HCN1: variants seen among roughly 807,000 people sequenced by gnomAD.
The protein encoded by HCN1 is potassium/sodium hyperpolarization-activated cyclic nucleotide-gated channel 1.
Under a neutral mutation model 78.9 loss-of-function variants are expected in HCN1, and 13 were observed. The observed-to-expected ratio is 0.16, with a 90% confidence interval of 0.11 to 0.26. The LOEUF (loss-of-function observed/expected upper bound fraction) is 0.26, where lower values mean the gene tolerates loss of function less well. Among genes scored for constraint, HCN1 ranks in the 10% least tolerant of loss-of-function variants. HCN1 has a pLI of 1.00. For synonymous variants in HCN1, 552 were observed against 455.5 expected, an observed-to-expected ratio of 1.21 and a Z score of -2.70; for missense variants, 810 against 1,154.3, an observed-to-expected ratio of 0.70 and a Z score of 4.32.
chr5:45,506,625 T>A (rs1271159032), intron 2 of HCN1, among the ~76,000 whole-genome samples: 1 of 152,190 alleles, frequency 6.6e-6, no homozygotes, highest in Admixed American at 6.5e-5. Flanking sequence ...AAATTACCAC[T>A]CGGATGTATT....
chr5:45,320,054 ATAGAG>A (rs1746091786), intron 5 of HCN1, among the ~76,000 whole-genome samples: 1 of 151,886 alleles, frequency 6.6e-6, no homozygotes, highest in African/African-American at 2.4e-5. Flanking sequence ...CAAATGAATC[ATAGAG>A]TAATCTTAAC....
chr5:45,262,407 G>C lies in HCN1; in HGVS notation c.2187C>G (p.Leu729=). The C allele has an allele frequency of 6.2e-7, 1 of 1,611,678 alleles. No homozygotes were observed. The highest frequency in any genetic ancestry group is 8.5e-7 in the Non-Finnish European group (1 of 1,179,702). ...YASPTASQLS[L]MQQQPQQQVQ... is the part of the protein sequence containing the mutation. Reference sequence around the variant, plus strand: ...CCTGCTGCTGCGGCTGCTGTTGCATGAGTGACAGCTGGGAGGCGGTGGGGG... The same window carrying C: ...CCTGCTGCTGCGGCTGCTGTTGCATCAGTGACAGCTGGGAGGCGGTGGGGG... Residue 729 remains leucine (L), a synonymous_variant, in exon 8 of 8, where the codon CTC becomes CTG. Coordinates refer to ENST00000303230, the MANE Select transcript of HCN1 (RefSeq NM_021072.4).
intron 3 of HCN1, among the ~76,000 whole-genome samples, chr5:45,447,067 G>C (rs191274638): frequency 6.6e-6 from 1 of 152,092 alleles, no homozygotes; most frequent in African/African-American, 2.4e-5. Flanking sequence ...TGGACTTAAC[G>C]CTCCAATTAA....
At chr5:45,352,622 A>G (rs1186315878) in intron 5 of HCN1, among the ~76,000 whole-genome samples, 1 of 152,022 alleles carries the variant, frequency 6.6e-6, no homozygotes, top group Non-Finnish European at 1.5e-5. Context: ...GCAGATTTCT[A>G]GGGAGGAACA....
At chr5:45,505,133 T>C (rs1298428079) in intron 2 of HCN1, among the ~76,000 whole-genome samples, 4 of 152,218 alleles carry the variant, frequency 2.6e-5, no homozygotes, top group Non-Finnish European at 5.9e-5. Flanking sequence ...ATTTTGGCTT[T>C]TGTTGCCATT....
chr5:45,460,272 G>A (rs150726539), intron 3 of HCN1, among the ~76,000 whole-genome samples: 4 of 152,138 alleles, frequency 2.6e-5, no homozygotes, highest in Admixed American at 1.3e-4. Flanking sequence ...TGTTCCTGCC[G>A]CCTTTCCACC....
intron 6 of HCN1, among the ~76,000 whole-genome samples, chr5:45,301,124 T>C (rs1442778816): frequency 6.6e-6 from 1 of 151,990 alleles, no homozygotes; most frequent in Non-Finnish European, 1.5e-5. Context: ...TATTTCCTAA[T>C]AAATATATCT....
chr5:45,395,281 T>C (rs1296522092), intron 4 of HCN1, among the ~76,000 whole-genome samples: 1 of 152,138 alleles, frequency 6.6e-6, no homozygotes, highest in African/African-American at 2.4e-5. Context: ...TCCATAAAAT[T>C]AGCCCAAATT....
intron 3 of HCN1, among the ~76,000 whole-genome samples, chr5:45,443,037 T>C (rs1312800924): frequency 1.3e-5 from 2 of 152,068 alleles, no homozygotes; most frequent in East Asian, 3.9e-4. Flanking sequence ...TTTCTTGTTA[T>C]GCTTGACACA....
chr5:45,414,882 C>T (rs535825640), intron 3 of HCN1, among the ~76,000 whole-genome samples: 1 of 152,104 alleles, frequency 6.6e-6, no homozygotes, highest in South Asian at 2.1e-4. Context: ...TGTAAAATGA[C>T]TTGGCATCCT....
rs1028530607 is a variant in HCN1, at chr5:45,364,748, A to T, written c.1231-11502T>A. ...TCCCTAATGCTTGTCTTAAATGTTA[A>T]TGTAAATTAAAATAATATGAGAATT... On this transcript the variant is annotated intron_variant, in intron 4 of 7. Transcript: ENST00000303230. 6.6e-5 allele frequency among the ~76,000 whole-genome samples: 10 copies of T among 152,190 alleles called. No homozygotes were observed. In the South Asian group the frequency reaches 1.9e-3, roughly 28 times the overall value.
At chr5:45,417,977 CAAAGTT>C (rs1391956773) in intron 3 of HCN1, among the ~76,000 whole-genome samples, 1 of 151,702 alleles carries the variant, frequency 6.6e-6, no homozygotes, top group Non-Finnish European at 1.5e-5. Context: ...GTAAGGTTGA[CAAAGTT>C]GAAGTTGGGC....
chr5:45,534,404 C>CAAAAAAAAAAAAAAAAAAAAAAAAA, intron 2 of HCN1, among the ~76,000 whole-genome samples: 1 of 29,316 alleles, frequency 3.4e-5, no homozygotes, highest in Non-Finnish European at 5.4e-5. Context: ...GACTGCATCT[C>CAAAAAAAAAAAAAAAAAAAAAAAAA]AAAAAAAAAA....
intron 5 of HCN1, among the ~76,000 whole-genome samples, chr5:45,323,341 T>A (rs1746163004): frequency 6.6e-6 from 1 of 151,890 alleles, no homozygotes; most frequent in Non-Finnish European, 1.5e-5. Context: ...TTACACTTAA[T>A]TTTACTTTTT....
At chr5:45,559,538 T>G (rs1449907837) in intron 2 of HCN1, 1 of 152,228 alleles carries the variant, frequency 6.6e-6, no homozygotes, top group African/African-American at 2.4e-5. Context: ...TAACTACACA[T>G]GTGGTAGAAA....
At chr5:45,347,221 T>C (rs1011981109) in intron 5 of HCN1, among the ~76,000 whole-genome samples, 2 of 152,166 alleles carry the variant, frequency 1.3e-5, no homozygotes, top group African/African-American at 4.8e-5. Context: ...AAATCTGCTG[T>C]TCTGCAGCCA....
At chr5:45,321,388 A>G (rs931358725) in intron 5 of HCN1, among the ~76,000 whole-genome samples, 3 of 151,766 alleles carry the variant, frequency 2.0e-5, no homozygotes, top group African/African-American at 7.3e-5. Flanking sequence ...TAGAGAGAGG[A>G]AAAGTATTGC....
At chr5:45,438,485 G>C (rs543802666) in intron 3 of HCN1, among the ~76,000 whole-genome samples, 5 of 151,970 alleles carry the variant, frequency 3.3e-5, no homozygotes, top group South Asian at 2.1e-4. Flanking sequence ...CAGCTACTTG[G>C]GGGGCTGAGG....
At chr5:45,691,914 T>C (rs1396762625) in intron 1 of HCN1, among the ~76,000 whole-genome samples, 3 of 152,180 alleles carry the variant, frequency 2.0e-5, no homozygotes, top group East Asian at 1.9e-4. Flanking sequence ...TCTAGAGTCC[T>C]TGAGTACTTA....
Sources: gnomAD v4.1 joint callset for allele counts (sites outside exome capture counted in the v4.1 genomes callset) on GRCh38, gnomAD v4.1.1 for gene constraint, MANE v1.5 for transcripts, NCBI Gene and HGNC (gene_info 2026-07-23, HGNC 2026-07-21) for gene names.